The following PRKAG2 variants were observed in gnomAD, a reference collection of about 807,000 sequenced individuals.
The protein encoded by PRKAG2 is 5'-AMP-activated protein kinase subunit gamma-2.
A neutral mutation model predicts 69.6 loss-of-function variants in PRKAG2; 26 were observed. That is an observed-to-expected ratio of 0.37 (90% confidence interval 0.27 to 0.52). The LOEUF (loss-of-function observed/expected upper bound fraction) is 0.52, where lower values mean the gene tolerates loss of function less well. Ranked by LOEUF, PRKAG2 falls within the 20% of genes least tolerant of loss-of-function variation. PRKAG2 has a pLI of 0.90. For synonymous variants in PRKAG2, 293 were observed against 285.0 expected (o/e 1.03, Z -0.28); for missense variants, 557 against 740.0 (o/e 0.75, Z 2.87).
intron 1 of PRKAG2, among the ~76,000 whole-genome samples, chr7:151,813,194 GT>G (rs771405891): frequency 1.2e-4 from 18 of 152,138 alleles, no homozygotes; most frequent in Non-Finnish European, 1.9e-4. Context: ...CTCGATTTAT[GT>G]TTTGGGGCCT....
At chr7:151,848,512 CTTTTTTTTTTT>C (rs1158559692) in intron 1 of PRKAG2, among the ~76,000 whole-genome samples, 14 of 62,252 alleles carry the variant, frequency 2.2e-4, no homozygotes, top group South Asian at 6.3e-4. Flanking sequence ...TACTGCATGT[CTTTTTTTTTTT>C]TTTTTTTTTT....
intron 11 of PRKAG2, 135 bp downstream of exon 11, chr7:151,568,581 A>C: frequency 1.1e-6 from 1 of 913,752 alleles, no homozygotes; most frequent in Non-Finnish European, 1.7e-6. Flanking sequence ...GTAAGTTGAG[A>C]AACTGAAGTT....
At chr7:151,718,612 CAAA>C (rs35143182) in intron 3 of PRKAG2, among the ~76,000 whole-genome samples, 9 of 74,780 alleles carry the variant, frequency 1.2e-4, no homozygotes, top group Admixed American at 2.9e-4. Flanking sequence ...CCCCAGGATG[CAAA>C]AAAAAAAAAA....
intron 3 of PRKAG2, among the ~76,000 whole-genome samples, chr7:151,743,053 G>A (rs922160747): frequency 3.3e-5 from 5 of 152,164 alleles, no homozygotes; most frequent in Non-Finnish European, 5.9e-5. Flanking sequence ...TTCTGTTTCC[G>A]CCAGTCGATG....
intron 1 of PRKAG2, among the ~76,000 whole-genome samples, chr7:151,795,874 T>TACATATATATATATAC (rs2077493287): frequency 5.4e-5 from 6 of 112,108 alleles, no homozygotes; most frequent in African/African-American, 2.2e-4. Context: ...TATATATATA[T>TACATATATATATATAC]ATATATATAT....
At chr7:151,573,226 T>A (rs1009827034) in intron 8 of PRKAG2, among the ~76,000 whole-genome samples, 5 of 151,168 alleles carry the variant, frequency 3.3e-5, no homozygotes, top group African/African-American at 1.2e-4. Flanking sequence ...AGTGCGATCA[T>A]GACTCACTGC....
chr7:151,698,491 C>T (rs553428307), intron 3 of PRKAG2, among the ~76,000 whole-genome samples: 17 of 152,178 alleles, frequency 1.1e-4, no homozygotes, highest in South Asian at 6.2e-4. Context: ...GTGCTGTCCT[C>T]GTGGTAGTGA....
chr7:151,680,208 C>T (rs1022471112), intron 3 of PRKAG2, among the ~76,000 whole-genome samples: 11 of 152,142 alleles, frequency 7.2e-5, no homozygotes, highest in Non-Finnish European at 1.5e-4. Context: ...ATTTCTGGGG[C>T]CATAGACTTA....
At chr7:151,665,778 C>T (rs1830965797) in intron 4 of PRKAG2, among the ~76,000 whole-genome samples, 1 of 152,148 alleles carries the variant, frequency 6.6e-6, no homozygotes, top group Non-Finnish European at 1.5e-5. Context: ...TTTAAAATGG[C>T]AGTCAGGAAT....
chr7:151,772,984 T>TGAATGAATGAATGAAA (rs2076091050), intron 3 of PRKAG2, among the ~76,000 whole-genome samples: 3 of 71,832 alleles, frequency 4.2e-5, no homozygotes, highest in African/African-American at 1.9e-4. Flanking sequence ...TCTAAATGAA[T>TGAATGAATGAATGAAA]GAAAGAAAGA....
chr7:151,600,906 A>C (rs868408242), intron 5 of PRKAG2, among the ~76,000 whole-genome samples: 1 of 152,176 alleles, frequency 6.6e-6, no homozygotes, highest in Non-Finnish European at 1.5e-5. Flanking sequence ...AACCTCGAGG[A>C]ATACAGCTTC....
intron 3 of PRKAG2, among the ~76,000 whole-genome samples, chr7:151,701,117 C>T (rs1837618357): frequency 6.6e-6 from 1 of 152,196 alleles, no homozygotes; most frequent in Non-Finnish European, 1.5e-5. Context: ...GGGCTGCCCC[C>T]CAGGGAAGCC....
Position 151,699,276 on chromosome 7 carries a change from T to C in PRKAG2, c.467-23639A>G, listed in dbSNP as rs1047781556. ...TATTTCTGAAGATCTCCCACGAAGG[T>C]TGCCTCCCTCCCTGCGGTCAGGCTG... On this transcript the variant is annotated intron_variant, in intron 3 of 15. Transcript: ENST00000287878. This position sits in a 1 kb window ranked among gnomAD's most constrained non-coding sequence, Gnocchi z 4.5. Among the ~76,000 whole-genome samples, 1 of 152,358 alleles carries C rather than the reference T, an allele frequency of 6.6e-6. No homozygotes were observed.
At chr7:151,672,236 G>A (rs1018345544) in intron 4 of PRKAG2, among the ~76,000 whole-genome samples, 1 of 152,046 alleles carries the variant, frequency 6.6e-6, no homozygotes, top group Non-Finnish European at 1.5e-5. Context: ...CAAGTAGCTG[G>A]GATTACAGGT....
At chr7:151,737,065 A>G (rs2073477747) in intron 3 of PRKAG2, among the ~76,000 whole-genome samples, 7 of 152,218 alleles carry the variant, frequency 4.6e-5, no homozygotes, top group Admixed American at 3.9e-4. Context: ...AAAAGATAGA[A>G]AAAAAATCCT....
intron 2 of PRKAG2, among the ~76,000 whole-genome samples, chr7:151,783,827 C>T (rs1482795994): frequency 2.0e-5 from 3 of 149,576 alleles, no homozygotes; most frequent in African/African-American, 7.5e-5. Flanking sequence ...ATCACTTGAG[C>T]CCCAGAGATG....
At chr7:151,602,844 A>G (rs1415165891) in intron 5 of PRKAG2, among the ~76,000 whole-genome samples, 3 of 152,146 alleles carry the variant, frequency 2.0e-5, no homozygotes, top group Non-Finnish European at 4.4e-5. Flanking sequence ...GAGTTTTATA[A>G]GGCAGTTTTC....
intron 13 of PRKAG2, 45 bp from the exon 14 acceptor site, chr7:151,564,269 C>G (rs747797616): frequency 1.1e-4 from 184 of 1,607,822 alleles, no homozygotes; most frequent in Non-Finnish European, 1.4e-4. Context: ...CATTTCAGTT[C>G]ACTTCAATGA....
intron 14 of PRKAG2, among the ~76,000 whole-genome samples, chr7:151,563,107 A>G (rs1805450463): frequency 6.6e-6 from 1 of 152,148 alleles, no homozygotes; most frequent in South Asian, 2.1e-4. Flanking sequence ...AGTCAAACTT[A>G]TGTATGTCCT....
Sources: gnomAD v4.1 joint callset for allele counts (sites outside exome capture counted in the v4.1 genomes callset) on GRCh38, gnomAD v4.1.1 for gene constraint, Gnocchi (gnomAD v3.1) non-coding constraint, MANE v1.5 for transcripts, NCBI Gene and HGNC (gene_info 2026-07-23, HGNC 2026-07-21) for gene names.